The following SLIT3 variants were observed in gnomAD, a reference collection of about 807,000 sequenced individuals.
SLIT3 encodes the protein slit guidance ligand 3.
Under a neutral mutation model 184.0 loss-of-function variants are expected in SLIT3, and 68 were observed. That is an observed-to-expected ratio of 0.37 (90% CI 0.30 to 0.45). The LOEUF is 0.45. Ranked by LOEUF, SLIT3 falls within the 20% of genes least tolerant of loss-of-function variation. The probability of loss-of-function intolerance (pLI) is 1.00; values close to 1 mark genes in which losing one functional copy is unlikely to be tolerated. For missense variants in SLIT3, 1,707 were observed against 2,026.0 expected, an observed-to-expected ratio of 0.84 and a Z score of 3.02; for synonymous variants, 831 against 828.6, an observed-to-expected ratio of 1.00 and a Z score of -0.05.
chr5:169,105,540 G>T (rs1480676180), intron 4 of SLIT3, among the ~76,000 whole-genome samples: 1 of 152,190 alleles, frequency 6.6e-6, no homozygotes, highest in Non-Finnish European at 1.5e-5. Context: ...TGGGGTAGCA[G>T]GCAGCTTCAA....
chr5:169,248,686 G>A (rs1222259364), intron 2 of SLIT3, among the ~76,000 whole-genome samples: 1 of 152,180 alleles, frequency 6.6e-6, no homozygotes, highest in African/African-American at 2.4e-5. Context: ...TGTGATGACG[G>A]CTGGGGTGGA....
chr5:168,822,547 G>T (rs750681181), intron 7 of SLIT3, among the ~76,000 whole-genome samples: 6 of 152,152 alleles, frequency 3.9e-5, no homozygotes, highest in Non-Finnish European at 8.8e-5. Context: ...CACTTACAGA[G>T]AAACTTACAA....
intron 4 of SLIT3, among the ~76,000 whole-genome samples, chr5:169,021,160 G>T: frequency 6.6e-6 from 1 of 152,116 alleles, no homozygotes; most frequent in East Asian, 1.9e-4. Context: ...TCTACACCCT[G>T]GAATGTCAGC....
At chr5:168,935,149 AC>A (rs1562014600) in intron 4 of SLIT3, among the ~76,000 whole-genome samples, 2 of 138,588 alleles carry the variant, frequency 1.4e-5, no homozygotes, top group African/African-American at 5.7e-5. Flanking sequence ...AAAAAAAAAA[AC>A]AAAAAAAAAA....
chr5:169,249,438 T>C (rs1440243790), intron 2 of SLIT3, among the ~76,000 whole-genome samples: 1 of 152,220 alleles, frequency 6.6e-6, no homozygotes, highest in Non-Finnish European at 1.5e-5. Flanking sequence ...TGTGATTATT[T>C]TAAACTTTCT....
At chr5:168,740,346 C>T (rs1419405072) in intron 20 of SLIT3, among the ~76,000 whole-genome samples, 1 of 152,218 alleles carries the variant, frequency 6.6e-6, no homozygotes, top group Non-Finnish European at 1.5e-5. Flanking sequence ...AAATCACCTC[C>T]TGCTCAGATG....
At chr5:169,068,173 G>A (rs1758421062) in intron 4 of SLIT3, among the ~76,000 whole-genome samples, 1 of 152,068 alleles carries the variant, frequency 6.6e-6, no homozygotes. Flanking sequence ...CAATAAATCT[G>A]CTGTAAGGGA....
At chr5:168,821,114 A>T (rs1303749230) in intron 7 of SLIT3, among the ~76,000 whole-genome samples, 2 of 152,140 alleles carry the variant, frequency 1.3e-5, no homozygotes, top group Non-Finnish European at 2.9e-5. Context: ...ATTGATCTGA[A>T]CTCATCAGAT....
At chr5:169,171,746 C>T (rs951424283) in intron 4 of SLIT3, among the ~76,000 whole-genome samples, 93 of 152,270 alleles carry the variant, frequency 6.1e-4, no homozygotes, top group African/African-American at 2.1e-3. Flanking sequence ...AGACATCTAC[C>T]TCGGAGGACT....
chr5:169,067,569 C>G (rs962715256), intron 4 of SLIT3, among the ~76,000 whole-genome samples: 12 of 152,310 alleles, frequency 7.9e-5, no homozygotes, highest in Admixed American at 4.6e-4. Flanking sequence ...GCTGATGTTG[C>G]GGAGCCTCTG....
chr5:168,692,983 G>A (rs1761952020), intron 28 of SLIT3, among the ~76,000 whole-genome samples: 1 of 152,218 alleles, frequency 6.6e-6, no homozygotes, highest in African/African-American at 2.4e-5. Flanking sequence ...TTCAGGGGCA[G>A]GGGCAGGTGC....
At chr5:168,717,691 C>T (rs917468806) in intron 23 of SLIT3, among the ~76,000 whole-genome samples, 16 of 151,752 alleles carry the variant, frequency 1.1e-4, no homozygotes, top group Non-Finnish European at 1.9e-4. Context: ...GACCGAATCT[C>T]GCTCTGTGGC....
intron 4 of SLIT3, among the ~76,000 whole-genome samples, chr5:168,999,717 AG>A (rs1432381334): frequency 1.3e-5 from 2 of 152,232 alleles, no homozygotes; most frequent in Non-Finnish European, 2.9e-5. Flanking sequence ...ACACTGTCAA[AG>A]CCGAGGAATG....
chr5:168,808,760 G>A (rs1361375539), intron 8 of SLIT3, among the ~76,000 whole-genome samples: 2 of 152,154 alleles, frequency 1.3e-5, no homozygotes, highest in Admixed American at 6.5e-5. Flanking sequence ...GACAGCAAAG[G>A]GAATTCTACG....
chr5:169,071,545 T>C (rs79348317), intron 4 of SLIT3, among the ~76,000 whole-genome samples: 232 of 152,326 alleles, frequency 1.5e-3, no homozygotes, highest in African/African-American at 5.3e-3. Flanking sequence ...GAGCTTTTTC[T>C]CACTCTGGAA....
chr5:169,138,830 C>T (rs561739945), intron 4 of SLIT3, among the ~76,000 whole-genome samples: 1 of 152,190 alleles, frequency 6.6e-6, no homozygotes, highest in African/African-American at 2.4e-5. Flanking sequence ...GCAAGTGCTT[C>T]GCAATGAAAA....
intron 3 of SLIT3, among the ~76,000 whole-genome samples, chr5:169,214,658 T>C (rs931591827): frequency 6.6e-6 from 1 of 152,172 alleles, no homozygotes; most frequent in African/African-American, 2.4e-5. Context: ...GACTCCCTAA[T>C]TGTCTTCAAG....
intron 19 of SLIT3, 114 bp downstream of exon 19, chr5:168,749,358 C>T (rs1754614683): frequency 8.0e-7 from 1 of 1,246,970 alleles, no homozygotes; most frequent in African/African-American, 1.5e-5. Context: ...GCTCCAGCTG[C>T]ATGCCCAAAG....
intron 4 of SLIT3, among the ~76,000 whole-genome samples, chr5:169,109,230 C>A (rs1410451857): frequency 1.3e-5 from 2 of 152,200 alleles, no homozygotes; most frequent in African/African-American, 4.8e-5. Context: ...GAGAGATTCT[C>A]TTTGTTAATG....
Sources: allele counts gnomAD v4.1 joint callset (sites outside exome capture counted in the v4.1 genomes callset), GRCh38; gene constraint gnomAD v4.1.1; transcripts MANE v1.5; gene names NCBI Gene and HGNC (gene_info 2026-07-23, HGNC 2026-07-21).